Variants in GDA observed in about 807,000 individuals in gnomAD.
GDA encodes guanine deaminase, also known as cytoplasmic PSD-95 interactor.
In GDA, 18 loss-of-function variants were observed where a neutral mutation model predicts 59.6. The observed-to-expected ratio is 0.30, with a 90% CI of 0.21 to 0.45. The LOEUF (loss-of-function observed/expected upper bound fraction) is 0.45. Among genes scored for constraint, GDA ranks in the 20% least tolerant of loss-of-function variants. GDA has a pLI of 1.00. For synonymous variants in GDA, 201 were observed against 201.1 expected (o/e 1.00, Z 0.00); for missense variants, 427 against 552.3 (o/e 0.77, Z 2.27).
intron 4 of GDA, among the ~76,000 whole-genome samples, chr9:72,212,034 A>G (rs1261945358): frequency 6.6e-6 from 1 of 152,338 alleles, no homozygotes; most frequent in East Asian, 1.9e-4. Context: ...AGATGGAGAC[A>G]CTGTAAAAAC....
chr9:72,214,060 T>G (rs1358715168), intron 5 of GDA, 69 bp downstream of exon 5: 2 of 869,106 alleles, frequency 2.3e-6, no homozygotes, highest in East Asian at 5.0e-5. Context: ...GAGTTAGAGA[T>G]GGAAAAAGGA....
chr9:72,168,390 C>CTTTTT (rs77778231), intron 1 of GDA, among the ~76,000 whole-genome samples: 5 of 105,912 alleles, frequency 4.7e-5, no homozygotes, highest in Admixed American at 1.1e-4. Flanking sequence ...GAGACTTTGT[C>CTTTTT]TTTTTTTTTT....
chr9:72,219,517 TTG>T lies in GDA; in HGVS notation c.606+13_606+14del. The T allele has an allele frequency of 6.3e-7, 1 of 1,593,864 alleles. No individual in the cohort carries two copies. Among genetic ancestry groups the T allele is most frequent in the Non-Finnish European group, 8.6e-7 (1 of 1,165,952 alleles). On this transcript the variant is annotated intron_variant, in intron 6 of 13. Transcript: ENST00000358399. ...ATGCTCCAAAAGAACGTGAGTAACT[TTG>T]TTCAGAGCTCGCTTTTAGATTGCCT...
chr9:72,186,219 T>C (rs1431284401), intron 1 of GDA, among the ~76,000 whole-genome samples: 1 of 152,188 alleles, frequency 6.6e-6, no homozygotes. Context: ...TCCAAATTTT[T>C]TTTAGAGATT....
intron 1 of GDA, among the ~76,000 whole-genome samples, chr9:72,137,789 G>A (rs1322718357): frequency 1.3e-5 from 2 of 151,498 alleles, no homozygotes; most frequent in African/African-American, 4.9e-5. Context: ...ACCTTCAACT[G>A]TTACAACCAA....
chr9:72,119,094 A>G (rs1825570121), intron 1 of GDA, among the ~76,000 whole-genome samples: 1 of 152,238 alleles, frequency 6.6e-6, no homozygotes, highest in Non-Finnish European at 1.5e-5. Flanking sequence ...AATATGAGTT[A>G]TATGCCAAAA....
intron 5 of GDA, among the ~76,000 whole-genome samples, chr9:72,216,723 T>C (rs1587687211): frequency 6.6e-6 from 1 of 152,030 alleles, no homozygotes. Context: ...TTGCCCAGGC[T>C]GGAGTGCAGT....
chr9:72,177,203 A>G lies in GDA; in HGVS notation c.124-18297A>G, dbSNP rs114263648. ...AACCTCCACCTCCCGGGTTCACTTC[A>G]TTCTTCTGCCTCAGCCTCCCAAGTA... is the stretch of plus-strand genomic sequence containing the variant. On this transcript the variant is annotated intron_variant, in intron 1 of 13. Transcript: ENST00000358399. Among the ~76,000 whole-genome samples the G allele has an allele frequency of 8.0e-3, 1,088 of 136,834 alleles. 16 individuals are homozygous for G. The highest frequency in any genetic ancestry group is 0.028 in the African/African-American group (1,013 of 36,170). The allele number at this position is 136,834 out of a possible 152,430, so 89.8% of individuals were successfully genotyped here.
chr9:72,246,184 G>A (rs1258595497), intron 12 of GDA, among the ~76,000 whole-genome samples: 1 of 152,154 alleles, frequency 6.6e-6, no homozygotes, highest in Non-Finnish European at 1.5e-5. Flanking sequence ...TTTTGCTCTT[G>A]TCGCCCAGGC....
At chr9:72,125,963 C>A (rs768512466) in intron 1 of GDA, among the ~76,000 whole-genome samples, 1 of 152,162 alleles carries the variant, frequency 6.6e-6, no homozygotes, top group Non-Finnish European at 1.5e-5. Context: ...GTTGCCCAGG[C>A]TGGAGTGCAG....
chr9:72,195,337 C>CTTTTT (rs55634274), intron 1 of GDA, among the ~76,000 whole-genome samples, 163 bp from the exon 2 acceptor site: 10 of 119,566 alleles, frequency 8.4e-5, no homozygotes, highest in African/African-American at 1.2e-4. Context: ...AAACACCTGT[C>CTTTTT]TTTTTTTTTT....
In GDA at chr9:72,248,971, C is replaced by T. The variant is rs1123; in HGVS notation, c.*629C>T. 12 of 984,330 alleles carry T rather than the reference C, an allele frequency of 1.2e-5. No individual in the cohort carries two copies. Among genetic ancestry groups the T allele is most frequent in the Non-Finnish European group, 1.4e-5 (12 of 828,726 alleles). 61.0% of individuals were successfully genotyped at this position (984,330 alleles called of 1,614,324 possible). ...TAGTGTTGTGCTTTGCCTTCTTTGG[C>T]GATGAATGTCAGAAATTGAATGCCA... is the stretch of plus-strand genomic sequence containing the variant. On this transcript the variant is annotated 3_prime_UTR_variant, in exon 14 of 14. Coordinates refer to ENST00000358399, the MANE Select transcript of GDA (RefSeq NM_004293.5).
intron 1 of GDA, among the ~76,000 whole-genome samples, chr9:72,118,940 C>A (rs1220086800): frequency 2.0e-5 from 3 of 152,056 alleles, no homozygotes; most frequent in African/African-American, 7.3e-5. Context: ...GTGCCAAGAC[C>A]ACTGATAATT....
chr9:72,220,076 C>A (rs1489057615), intron 6 of GDA, among the ~76,000 whole-genome samples: 1 of 152,094 alleles, frequency 6.6e-6, no homozygotes, highest in African/African-American at 2.4e-5. Context: ...TGTCTATATA[C>A]AAACACAATG....
At chr9:72,235,621 C>G (rs1031140297) in intron 10 of GDA, among the ~76,000 whole-genome samples, 2 of 151,246 alleles carry the variant, frequency 1.3e-5, no homozygotes, top group African/African-American at 4.9e-5. Context: ...TGCTTGAACC[C>G]AGGAGGTGAA....
rs182948374 is a variant in GDA, at chr9:72,198,929, T to C, written c.212+3341T>C. On this transcript the variant is annotated intron_variant, in intron 2 of 13. Coordinates refer to ENST00000358399, the MANE Select transcript of GDA (RefSeq NM_004293.5). ...GCAGATTTGGAATACCTGGGGGAAG[T>C]TGAGATTCTCTGAGGAAATTATGAT... Among the ~76,000 whole-genome samples the C allele has an allele frequency of 6.0e-5, 9 of 150,548 alleles. No homozygotes were observed. The East Asian group carries it at 1.4e-3, about 23-fold the overall frequency.
chr9:72,188,733 GC>G (rs1832151127), intron 1 of GDA, among the ~76,000 whole-genome samples: 1 of 152,138 alleles, frequency 6.6e-6, no homozygotes, highest in Non-Finnish European at 1.5e-5. Context: ...GCCTAGTGGA[GC>G]CCTGGGAGCA....
At chr9:72,247,468 A>T (rs752747858) in intron 13 of GDA, 35 bp downstream of exon 13, 2 of 1,138,830 alleles carry the variant, frequency 1.8e-6, no homozygotes, top group Non-Finnish European at 2.7e-6. Context: ...TAAATATTAA[A>T]TAGAACCTTT....
intron 2 of GDA, among the ~76,000 whole-genome samples, chr9:72,198,745 G>A (rs1374252016): frequency 6.6e-6 from 1 of 151,460 alleles, no homozygotes; most frequent in Non-Finnish European, 1.5e-5. Context: ...ATACACACAT[G>A]TATTGATATA....
Sources: allele counts gnomAD v4.1 joint callset (sites outside exome capture counted in the v4.1 genomes callset), GRCh38; gene constraint gnomAD v4.1.1; transcripts MANE v1.5; gene names NCBI Gene and HGNC (gene_info 2026-07-23, HGNC 2026-07-21).